The following RUFY3 variants were observed in gnomAD, a reference collection of about 807,000 sequenced individuals.
RUFY3 encodes the protein RUN and FYVE domain containing 3, also known as protein RUFY3.
Under a neutral mutation model 84.0 loss-of-function variants are expected in RUFY3, and 34 were observed. That is an observed-to-expected ratio of 0.40 (90% CI 0.31 to 0.54). The LOEUF is 0.54. Ranked by LOEUF, RUFY3 falls within the 20% of genes least tolerant of loss-of-function variation. The pLI, the probability that RUFY3 is intolerant of heterozygous loss-of-function variation, is 0.39. For missense variants in RUFY3, 507 were observed against 736.8 expected, an observed-to-expected ratio of 0.69 and a Z score of 3.61; for synonymous variants, 242 against 252.9, an observed-to-expected ratio of 0.96 and a Z score of 0.41.
rs1214596815 is a variant in RUFY3, at chr4:70,750,000, C to CT, written c.179-12505dup. Reference sequence around the variant, plus strand: ...AAATTTTTTACTTTTAATTATGAAACTTTTTTTTTTTTTTAAAGAGACAGG... The same window carrying CT: ...AAATTTTTTACTTTTAATTATGAAACTTTTTTTTTTTTTTTAAAGAGACAGG... On this transcript the variant is annotated intron_variant, in intron 1 of 17. Transcript: ENST00000381006. Among the ~76,000 whole-genome samples the CT allele has an allele frequency of 3.6e-3, 520 of 142,522 alleles. 1 individual carries two copies. The highest frequency in any genetic ancestry group is 9.2e-3 in the South Asian group (41 of 4,444). 93.5% of individuals were successfully genotyped at this position (142,522 alleles called of 152,430 possible).
intron 1 of RUFY3, among the ~76,000 whole-genome samples, chr4:70,757,370 C>T (rs776338260): frequency 1.1e-4 from 16 of 151,936 alleles, no homozygotes; most frequent in African/African-American, 2.4e-4. Context: ...TTTGGGAGGC[C>T]GAGGCAGGTG....
intron 10 of RUFY3, among the ~76,000 whole-genome samples, chr4:70,787,375 A>T (rs2148789688): frequency 6.7e-6 from 1 of 149,610 alleles, no homozygotes; most frequent in East Asian, 2.0e-4. Context: ...CTCCTGCCTC[A>T]GCCTCCTGAA....
chr4:70,806,757 A>G lies in RUFY3; in HGVS notation c.*98A>G, dbSNP rs1732896415. 7.0e-6 allele frequency: 10 copies of G among 1,421,986 alleles called. No homozygotes were observed. Among genetic ancestry groups the G allele is most frequent in the Middle Eastern group, 1.9e-4 (1 of 5,360 alleles). The allele number at this position is 1,421,986 out of a possible 1,614,324, so 88.1% of individuals were successfully genotyped here. The stretch of plus-strand genomic sequence containing the variant: ...TCATAGAGCCCAGTTCTTAGAGTCA[A>G]CTAAAGAGTTGATAGGAATTTACTA... On this transcript the variant is annotated 3_prime_UTR_variant, in exon 18 of 18. Coordinates refer to ENST00000381006, the MANE Select transcript of RUFY3 (RefSeq NM_001037442.4).
chr4:70,805,768 A>G (rs1467081910), intron 17 of RUFY3, among the ~76,000 whole-genome samples: 1 of 151,828 alleles, frequency 6.6e-6, no homozygotes, highest in East Asian at 1.9e-4. Flanking sequence ...GCAACCCCCT[A>G]CTCCTCTCAA....
chr4:70,748,973 A>G (rs148274642), intron 1 of RUFY3, among the ~76,000 whole-genome samples: 2,048 of 152,274 alleles, frequency 0.013, 24 homozygotes, highest in Non-Finnish European at 0.021. Context: ...ATTTCCCCCA[A>G]CATCACTCAG....
At chr4:70,791,526 C>T (rs1210304842) in intron 12 of RUFY3, 4 of 1,345,488 alleles carry the variant, frequency 3.0e-6, no homozygotes, top group Middle Eastern at 2.8e-4. Context: ...TAATTAAAAG[C>T]TGAATAAACT....
intron 1 of RUFY3, among the ~76,000 whole-genome samples, chr4:70,749,377 A>G (rs571346506): frequency 6.6e-6 from 1 of 152,284 alleles, no homozygotes; most frequent in East Asian, 1.9e-4. Flanking sequence ...TTTCCTAGGG[A>G]ACTCTTGTGC....
intron 17 of RUFY3, 139 bp from the exon 18 acceptor site, chr4:70,806,377 G>C: frequency 1.0e-6 from 1 of 970,970 alleles, no homozygotes; most frequent in Non-Finnish European, 1.5e-6. Context: ...CCTGTGTTCA[G>C]ATACTACCTG....
At chr4:70,789,655 G>A (rs1462395833) in intron 12 of RUFY3, 63 bp downstream of exon 12, 1 of 1,548,018 alleles carries the variant, frequency 6.5e-7, no homozygotes, top group South Asian at 1.2e-5. Flanking sequence ...AAAAGAATGT[G>A]CTGTACATTC....
intron 1 of RUFY3, among the ~76,000 whole-genome samples, chr4:70,753,229 T>C (rs1344188607): frequency 6.6e-6 from 1 of 152,218 alleles, no homozygotes; most frequent in Non-Finnish European, 1.5e-5. Flanking sequence ...GTAATGTCAA[T>C]ACTACTGTCC....
Position 70,800,202 on chromosome 4 carries a change from A to G in RUFY3, c.1619A>G (p.His540Arg), listed in dbSNP as rs199999443. The change falls in exon 15 of 18, where the codon CAC (histidine) becomes CGC (arginine). Residue 540 changes from histidine (H) to arginine (R), a missense_variant. His to Arg is a conservative substitution (Grantham distance 29, BLOSUM62 0). This residue lies in a region of RUFY3 where 334 missense variants were observed against 364.1 expected (regional missense o/e 0.92). Transcript: ENST00000381006. ...CTAAAAAAGCCCCTGGAAGAAAGCC[A>G]CAGGTGTTTGTTAATCAAGTATTAA... Reference protein sequence around the residue: ...VKLKKPLEESHRLQPHPMDEQ... With the variant: ...VKLKKPLEESRRLQPHPMDEQ... 443 of 1,602,026 alleles carry G rather than the reference A, an allele frequency of 2.8e-4. No homozygotes were observed. The highest frequency in any genetic ancestry group is 3.4e-4 in the Middle Eastern group (2 of 5,928).
intron 6 of RUFY3, among the ~76,000 whole-genome samples, chr4:70,774,175 T>C (rs1377251481): frequency 2.0e-5 from 3 of 152,200 alleles, no homozygotes; most frequent in South Asian, 4.1e-4. Flanking sequence ...TATCTCACTG[T>C]TCTTTTAGTA....
intron 4 of RUFY3, among the ~76,000 whole-genome samples, chr4:70,766,443 C>T (rs966499953): frequency 3.3e-5 from 5 of 152,062 alleles, no homozygotes; most frequent in Admixed American, 2.6e-4. Context: ...CAGGGTTTCA[C>T]CACGTTGGCC....
intron 12 of RUFY3, 194 bp from the exon 13 acceptor site, chr4:70,793,590 CT>C: frequency 6.8e-7 from 1 of 1,461,372 alleles, no homozygotes; most frequent in Non-Finnish European, 9.0e-7. Context: ...CTTCATCTTA[CT>C]TTTCTTTAGA....
chr4:70,724,014 G>A (rs1560449396), intron 1 of RUFY3, among the ~76,000 whole-genome samples: 1 of 152,174 alleles, frequency 6.6e-6, no homozygotes, highest in Non-Finnish European at 1.5e-5. Context: ...AAGACCCTTT[G>A]CATCTTTTAA....
intron 4 of RUFY3, among the ~76,000 whole-genome samples, chr4:70,765,719 C>T (rs1725780065): frequency 6.6e-6 from 1 of 151,466 alleles, no homozygotes; most frequent in Admixed American, 6.6e-5. Context: ...GCAGCTCATT[C>T]ACTTGCTGTT....
At chr4:70,765,690 T>G (rs1487644000) in intron 4 of RUFY3, among the ~76,000 whole-genome samples, 1 of 152,138 alleles carries the variant, frequency 6.6e-6, no homozygotes, top group Non-Finnish European at 1.5e-5. Context: ...GATCAGTTTT[T>G]GAGAGAAACA....
chr4:70,717,873 A>ATT (rs1165078654), upstream of RUFY3, among the ~76,000 whole-genome samples: 1,970 of 82,388 alleles, frequency 0.024, 254 homozygotes, highest in East Asian at 0.082. Context: ...TTGACATGGT[A>ATT]TTTTTTTTTT....
chr4:70,718,085 G>A (rs1022599765), upstream of RUFY3, among the ~76,000 whole-genome samples: 4 of 151,272 alleles, frequency 2.6e-5, no homozygotes, highest in Admixed American at 1.3e-4. Context: ...GGGTTTCACC[G>A]TGTTAGCCAG....
Sources: allele counts gnomAD v4.1 joint callset (sites outside exome capture counted in the v4.1 genomes callset), GRCh38; gene constraint gnomAD v4.1.1; regional missense constraint gnomAD v4.1.1; transcripts MANE v1.5; gene names NCBI Gene and HGNC (gene_info 2026-07-23, HGNC 2026-07-21).